Variants in SLC9A9 observed in about 807,000 individuals in gnomAD.
SLC9A9 encodes the protein sodium/hydrogen exchanger 9.
SLC9A9 carries 62 observed loss-of-function variants against 77.8 expected under a neutral mutation model. The observed-to-expected ratio is 0.80, with a 90% CI of 0.65 to 0.98. SLC9A9 has a LOEUF of 0.98. Among genes scored for constraint, SLC9A9 ranks in the 50% least tolerant of loss-of-function variants. The probability of loss-of-function intolerance (pLI) is 0.00; values close to 1 mark genes in which losing one functional copy is unlikely to be tolerated. For synonymous variants in SLC9A9, 320 were observed against 283.5 expected (o/e 1.13, Z -1.29); for missense variants, 775 against 774.9 (o/e 1.00, Z 0.00).
intron 8 of SLC9A9, 75 bp from the exon 9 acceptor site, chr3:143,552,525 T>C (rs902914259): frequency 1.6e-6 from 2 of 1,253,402 alleles, no homozygotes; most frequent in Non-Finnish European, 2.3e-6. Context: ...GCTATTCCAG[T>C]TGGAAAATAG....
chr3:143,271,802 C>T (rs1937907584), intron 14 of SLC9A9, among the ~76,000 whole-genome samples: 1 of 152,122 alleles, frequency 6.6e-6, no homozygotes, highest in Non-Finnish European at 1.5e-5. Flanking sequence ...AGCTGTGAGT[C>T]AACTGAGGTA....
At position 143,652,376 on chromosome 3, in the gene SLC9A9, C is replaced by A. The variant is rs768741534; in HGVS notation, c.650-16G>T. 6.2e-7 allele frequency: 1 copy of A among 1,602,904 alleles called. No individual in the cohort carries two copies. Among genetic ancestry groups the A allele is most frequent in the Non-Finnish European group, 8.5e-7 (1 of 1,172,082 alleles). Reference sequence around the variant, plus strand: ...AGCACTGTCACTAGGAAGACACACACAAACATGCAGGTTAGCTTGGATGCA... The same window carrying A: ...AGCACTGTCACTAGGAAGACACACAAAAACATGCAGGTTAGCTTGGATGCA... On this transcript the variant is annotated splice_polypyrimidine_tract_variant and intron_variant, in intron 5 of 15. Coordinates refer to ENST00000316549, the MANE Select transcript of SLC9A9 (RefSeq NM_173653.4).
At chr3:143,720,473 C>T (rs1304990312) in intron 4 of SLC9A9, among the ~76,000 whole-genome samples, 1 of 152,126 alleles carries the variant, frequency 6.6e-6, no homozygotes, top group African/African-American at 2.4e-5. Flanking sequence ...CCAATGCCTC[C>T]GGCCTCACTT....
intron 6 of SLC9A9, among the ~76,000 whole-genome samples, chr3:143,606,645 T>C (rs62269802): frequency 0.13 from 20,024 of 150,478 alleles, 1,432 homozygotes; most frequent in African/African-American, 0.15. Context: ...CTAGACAATT[T>C]GAAAAAGGAA....
intron 12 of SLC9A9, among the ~76,000 whole-genome samples, chr3:143,385,663 G>A (rs772393645): frequency 6.6e-6 from 1 of 152,204 alleles, no homozygotes; most frequent in Non-Finnish European, 1.5e-5. Context: ...TATACGTAAT[G>A]AGTTTTTGAG....
rs1302599113 is a variant in SLC9A9 at position 143,403,521 on chromosome 3, A to G, written c.1470-21407T>C. On this transcript the variant is annotated intron_variant, in intron 12 of 15. Coordinates refer to ENST00000316549, the MANE Select transcript of SLC9A9 (RefSeq NM_173653.4). Reference sequence around the variant, plus strand: ...TTTCATTAAAAAAAACTTCCTTAGTAATTATTGTCAGGCAGGTATGCTAAC... The same window carrying G: ...TTTCATTAAAAAAAACTTCCTTAGTGATTATTGTCAGGCAGGTATGCTAAC... Among the ~76,000 whole-genome samples the G allele has an allele frequency of 2.0e-5, 3 of 152,120 alleles. No individual in the cohort carries two copies. In the East Asian group the frequency reaches 5.8e-4, roughly 29 times the overall value.
chr3:143,630,146 A>G (rs1200232786), intron 6 of SLC9A9, among the ~76,000 whole-genome samples: 2 of 152,204 alleles, frequency 1.3e-5, no homozygotes, highest in African/African-American at 4.8e-5. Context: ...GTTATTCTTT[A>G]TAATAATTAT....
At chr3:143,702,848 A>C (rs1161572666) in intron 4 of SLC9A9, among the ~76,000 whole-genome samples, 3 of 152,088 alleles carry the variant, frequency 2.0e-5, no homozygotes, top group African/African-American at 7.2e-5. Flanking sequence ...CACCTATAAA[A>C]GTACACATAG....
intron 9 of SLC9A9, among the ~76,000 whole-genome samples, chr3:143,539,694 G>A (rs2036652822): frequency 6.6e-6 from 1 of 152,066 alleles, no homozygotes. Context: ...GGTAATAGTG[G>A]GCGACCATCT....
intron 5 of SLC9A9, among the ~76,000 whole-genome samples, chr3:143,676,629 C>T (rs903554928): frequency 5.9e-5 from 9 of 151,852 alleles, no homozygotes; most frequent in Admixed American, 2.6e-4. Flanking sequence ...TACAGCTACT[C>T]GGGAGGCTGA....
At chr3:143,408,554 G>C (rs2034029658) in intron 12 of SLC9A9, among the ~76,000 whole-genome samples, 1 of 152,206 alleles carries the variant, frequency 6.6e-6, no homozygotes, top group African/African-American at 2.4e-5. Context: ...AATAACCTCA[G>C]GTGAAACCGC....
chr3:143,795,294 A>AAAAAAAAAAAAC (rs1560083118), intron 3 of SLC9A9, among the ~76,000 whole-genome samples: 2 of 147,786 alleles, frequency 1.4e-5, no homozygotes, highest in East Asian at 2.0e-4. Flanking sequence ...AAAAAAAAAA[A>AAAAAAAAAAAAC]AAAAAACCCA....
At chr3:143,844,554 C>A (rs1349956790) in intron 1 of SLC9A9, among the ~76,000 whole-genome samples, 2 of 151,954 alleles carry the variant, frequency 1.3e-5, no homozygotes, top group Admixed American at 1.3e-4. Context: ...GAGTTGCTAG[C>A]CAAATTCATT....
chr3:143,573,036 A>G (rs1284151435), intron 8 of SLC9A9, among the ~76,000 whole-genome samples: 3 of 152,194 alleles, frequency 2.0e-5, no homozygotes, highest in Non-Finnish European at 4.4e-5. Context: ...TTTAAATCCC[A>G]GCTCCATCAC....
intron 2 of SLC9A9, among the ~76,000 whole-genome samples, chr3:143,809,347 G>T (rs2008804416): frequency 6.6e-6 from 1 of 152,224 alleles, no homozygotes; most frequent in Admixed American, 6.5e-5. Flanking sequence ...GATGAAACTG[G>T]CAGGCTGAGA....
intron 4 of SLC9A9, among the ~76,000 whole-genome samples, chr3:143,792,667 A>C (rs2008258947): frequency 1.3e-5 from 2 of 152,004 alleles, no homozygotes; most frequent in African/African-American, 4.8e-5. Context: ...CTCTTTCTTC[A>C]AAATAGTGAT....
At position 143,764,668 on chromosome 3, in the gene SLC9A9, C is replaced by T. The variant is rs75453561; in HGVS notation, c.533+30333G>A. Reference sequence around the variant, plus strand: ...TGTAGCTTTGAACTCAAGTGATTCTCCTATTCAGCCTTCCAAATAACTGGG... The same window carrying T: ...TGTAGCTTTGAACTCAAGTGATTCTTCTATTCAGCCTTCCAAATAACTGGG... On this transcript the variant is annotated intron_variant, in intron 4 of 15. Transcript: ENST00000316549. Among the ~76,000 whole-genome samples, 887 of 152,190 alleles carry T rather than the reference C, an allele frequency of 5.8e-3. 2 individuals are homozygous for T. The highest frequency in any genetic ancestry group is 8.9e-3 in the Non-Finnish European group (603 of 67,990).
chr3:143,780,150 T>C (rs915682656), intron 4 of SLC9A9, among the ~76,000 whole-genome samples: 1 of 152,220 alleles, frequency 6.6e-6, no homozygotes, highest in African/African-American at 2.4e-5. Flanking sequence ...TGTAAGCAAT[T>C]TATCTACATA....
rs556819324 is a variant in SLC9A9 at position 143,604,802 on chromosome 3, C to G, written c.756-26079G>C. Among the ~76,000 whole-genome samples the G allele has an allele frequency of 3.9e-5, 6 of 152,292 alleles. No individual in the cohort carries two copies. In the East Asian group the frequency reaches 1.2e-3, roughly 29 times the overall value. On this transcript the variant is annotated intron_variant, in intron 6 of 15. Transcript: ENST00000316549. ...AGCCATTTAATAACAGTTTACAGTACTCCCACTCAGCTGTGATATTGTTGA... is the reference window on the plus strand; with the variant it reads ...AGCCATTTAATAACAGTTTACAGTAGTCCCACTCAGCTGTGATATTGTTGA...
Sources: allele counts gnomAD v4.1 joint callset (sites outside exome capture counted in the v4.1 genomes callset), GRCh38; gene constraint gnomAD v4.1.1; transcripts MANE v1.5; gene names NCBI Gene and HGNC (gene_info 2026-07-23, HGNC 2026-07-21).